The following ADGB variants were observed in gnomAD, a reference collection of about 807,000 sequenced individuals.
The protein encoded by ADGB is calpain-7-like protein.
ADGB carries 172 observed loss-of-function variants against 210.5 expected under a neutral mutation model. That is an observed-to-expected ratio of 0.82 (90% confidence interval 0.72 to 0.93). The LOEUF (loss-of-function observed/expected upper bound fraction) is 0.93. Among genes scored for constraint, ADGB ranks in the 40% least tolerant of loss-of-function variants. ADGB has a pLI of 0.00. For synonymous variants in ADGB, 658 were observed against 662.7 expected (o/e 0.99, Z 0.11); for missense variants, 2,025 against 1,964.8 (o/e 1.03, Z -0.58).
chr6:146,688,053 T>C (rs1776256165), intron 10 of ADGB, among the ~76,000 whole-genome samples: 1 of 152,158 alleles, frequency 6.6e-6, no homozygotes, highest in Non-Finnish European at 1.5e-5. Context: ...TTATGAATTA[T>C]CTATGATATA....
At chr6:146,709,229 G>T (rs568395551) in intron 13 of ADGB, among the ~76,000 whole-genome samples, 184 of 152,236 alleles carry the variant, frequency 1.2e-3, no homozygotes, top group African/African-American at 4.3e-3. Flanking sequence ...TTTCATTAGA[G>T]CTGGCTTTTG....
intron 1 of ADGB, among the ~76,000 whole-genome samples, chr6:146,610,687 G>A (rs1339723061): frequency 1.3e-5 from 2 of 152,116 alleles, no homozygotes; most frequent in Non-Finnish European, 1.5e-5. Context: ...TTGTTCTCTG[G>A]TTCCTTGAGG....
At chr6:146,633,054 A>C (rs1158961046) in intron 1 of ADGB, among the ~76,000 whole-genome samples, 2 of 152,072 alleles carry the variant, frequency 1.3e-5, no homozygotes, top group Non-Finnish European at 2.9e-5. Flanking sequence ...CTGATGTCTA[A>C]TTACCTACTC....
At position 146,648,608 on chromosome 6, in the gene ADGB, G is replaced by A. The variant is rs73571846; in HGVS notation, c.330+3743G>A. On this transcript the variant is annotated intron_variant, in intron 3 of 35. Transcript: ENST00000397944. ...TCAAATCTCATGAGAACTCACTCAC[G>A]ATGATGAGAACAGCAAGGAAGAAAT... is the stretch of plus-strand genomic sequence containing the variant. 9.9e-3 allele frequency among the ~76,000 whole-genome samples: 1,513 copies of A among 152,084 alleles called. 31 individuals are homozygous for A. The highest frequency in any genetic ancestry group is 0.033 in the African/African-American group (1,370 of 41,484).
At position 146,717,089 on chromosome 6, in the gene ADGB, C is replaced by T. The variant is rs1221014046; in HGVS notation, c.1928+20C>T. On this transcript the variant is annotated intron_variant, in intron 15 of 35. Transcript: ENST00000397944. Reference sequence around the variant, plus strand: ...CTTTCAGTAAGTATACCAATGGGATCAATCTGACTATGTCGTAGTGGTTAA... The same window carrying T: ...CTTTCAGTAAGTATACCAATGGGATTAATCTGACTATGTCGTAGTGGTTAA... 2 of 1,536,204 alleles carry T rather than the reference C, an allele frequency of 1.3e-6. No homozygotes were observed. The highest frequency in any genetic ancestry group is 2.5e-5 in the East Asian group (1 of 40,784).
chr6:146,759,425 T>A (rs1777455666), intron 27 of ADGB, among the ~76,000 whole-genome samples: 1 of 151,832 alleles, frequency 6.6e-6, no homozygotes, highest in Non-Finnish European at 1.5e-5. Context: ...AATTTCTAAT[T>A]TTAAAATTTG....
intron 10 of ADGB, among the ~76,000 whole-genome samples, chr6:146,688,205 A>G (rs1776258323): frequency 6.6e-6 from 1 of 152,122 alleles, no homozygotes; most frequent in Non-Finnish European, 1.5e-5. Context: ...AACAGAAGGC[A>G]TACAAGGTGC....
intron 1 of ADGB, among the ~76,000 whole-genome samples, chr6:146,613,022 C>T (rs1040955720): frequency 2.0e-5 from 3 of 152,200 alleles, no homozygotes; most frequent in East Asian, 1.9e-4. Flanking sequence ...TTTTCTCTCT[C>T]TTCCGTGCTA....
intron 23 of ADGB, among the ~76,000 whole-genome samples, chr6:146,737,067 G>A (rs1282780106): frequency 2.6e-5 from 4 of 151,076 alleles, no homozygotes; most frequent in East Asian, 1.9e-4. Context: ...TCACCTCCCC[G>A]CCAATATATA....
At chr6:146,734,811 G>A (rs1287977910) in intron 22 of ADGB, among the ~76,000 whole-genome samples, 1 of 152,186 alleles carries the variant, frequency 6.6e-6, no homozygotes, top group Non-Finnish European at 1.5e-5. Flanking sequence ...TTGGAAGGCA[G>A]AGGTGGGAGG....
chr6:146,712,826 A>G (rs1038790058), intron 13 of ADGB, among the ~76,000 whole-genome samples: 1 of 152,252 alleles, frequency 6.6e-6, no homozygotes, highest in Admixed American at 6.5e-5. Context: ...TATTGAATAC[A>G]TTTTCACTAT....
intron 1 of ADGB, among the ~76,000 whole-genome samples, chr6:146,602,648 T>A (rs374570095): frequency 1.3e-5 from 2 of 152,282 alleles, no homozygotes; most frequent in South Asian, 4.1e-4. Flanking sequence ...CGGGGAAGGC[T>A]GTCTACGTCA....
chr6:146,773,069 G>A (rs1049826410), intron 29 of ADGB, among the ~76,000 whole-genome samples: 2 of 152,066 alleles, frequency 1.3e-5, no homozygotes, highest in Non-Finnish European at 2.9e-5. Flanking sequence ...GAGAGTATCT[G>A]CACATAGCTC....
chr6:146,773,361 G>A (rs1222196841), intron 29 of ADGB, among the ~76,000 whole-genome samples: 2 of 151,976 alleles, frequency 1.3e-5, no homozygotes, highest in African/African-American at 4.8e-5. Context: ...TTTATCACTT[G>A]TATTTTATAT....
At chr6:146,710,574 T>G (rs1214778656) in intron 13 of ADGB, among the ~76,000 whole-genome samples, 3 of 152,138 alleles carry the variant, frequency 2.0e-5, no homozygotes, top group Non-Finnish European at 4.4e-5. Context: ...TGTGATGGTA[T>G]AAGATACTCT....
intron 35 of ADGB, among the ~76,000 whole-genome samples, chr6:146,813,103 G>T (rs1446088778): frequency 1.3e-5 from 2 of 152,128 alleles, no homozygotes; most frequent in East Asian, 3.9e-4. Context: ...GACAGATTGA[G>T]TTTTTTGCCT....
intron 35 of ADGB, chr6:146,803,646 T>G (rs1562305748): frequency 7.6e-7 from 1 of 1,320,808 alleles, no homozygotes; most frequent in East Asian, 2.3e-5. Flanking sequence ...GGAAGATCAA[T>G]GAAATGATCC....
Position 146,815,069 on chromosome 6 carries a change from T to A in ADGB, c.4856T>A (p.Ile1619Asn), listed in dbSNP as rs772170095. 2.1e-4 allele frequency: 328 copies of A among 1,546,238 alleles called. 1 individual carries two copies. Among genetic ancestry groups the A allele is most frequent in the Non-Finnish European group, 2.8e-4 (318 of 1,145,866 alleles). The stretch of plus-strand genomic sequence containing the variant: ...GAAGCCCGACAGAAAATTTTCGACA[T>A]CCGGGAAGAGTACAGAAACAAATTG... ...LDEARQKIFD[I>N]REEYRNKLLE... Residue 1619 changes from isoleucine to asparagine, a missense_variant, in exon 36 of 36, where the codon ATC (isoleucine) becomes AAC (asparagine). Coordinates refer to ENST00000397944, the MANE Select transcript of ADGB (RefSeq NM_024694.4).
At chr6:146,726,897 G>A (rs1289912865) in intron 19 of ADGB, among the ~76,000 whole-genome samples, 1 of 152,096 alleles carries the variant, frequency 6.6e-6, no homozygotes, top group Non-Finnish European at 1.5e-5. Flanking sequence ...GGAATCTGGA[G>A]CATGTGCCTG....
Sources: allele counts gnomAD v4.1 joint callset (sites outside exome capture counted in the v4.1 genomes callset), GRCh38; gene constraint gnomAD v4.1.1; transcripts MANE v1.5; gene names NCBI Gene and HGNC (gene_info 2026-07-23, HGNC 2026-07-21).